Variants in PPP4R3A observed in about 807,000 individuals in gnomAD.
The protein encoded by PPP4R3A is serine/threonine-protein phosphatase 4 regulatory subunit 3A.
PPP4R3A carries 15 observed loss-of-function variants against 91.7 expected under a neutral mutation model. That is an observed-to-expected ratio of 0.16 (90% CI 0.11 to 0.25). The LOEUF (loss-of-function observed/expected upper bound fraction) is 0.25. PPP4R3A is among the 10% of genes least tolerant of loss of function. The probability of loss-of-function intolerance (pLI) is 1.00; values close to 1 mark genes in which losing one functional copy is unlikely to be tolerated. For missense variants in PPP4R3A, 623 were observed against 998.4 expected (o/e 0.62, Z 5.07); for synonymous variants, 377 against 348.7 (o/e 1.08, Z -0.91).
At position 91,457,644 on chromosome 14, in the gene PPP4R3A, C is replaced by A. The variant is rs10329; in HGVS notation, c.*1115G>T. The A allele has an allele frequency of 0.49, 74,975 of 152,338 alleles. 18,790 individuals are homozygous for A. Among genetic ancestry groups the A allele is most frequent in the Admixed American group, 0.53 (8,099 of 15,276 alleles). The allele number at this position is 152,338 out of a possible 1,614,324, so 9.4% of individuals were successfully genotyped here. A position where few individuals can be genotyped will look rare whatever the true frequency, so the allele number is the denominator to read the frequency against. ...ACTCTTCACTTTTCTTTTTATTATT[C>A]AAAAGTCAAATGTTTTTAAATCATC... On this transcript the variant is annotated 3_prime_UTR_variant, in exon 15 of 15. Transcript: ENST00000554943.
chr14:91,497,775 G>C (rs1156381290), intron 1 of PPP4R3A, among the ~76,000 whole-genome samples: 1 of 152,150 alleles, frequency 6.6e-6, no homozygotes, highest in Non-Finnish European at 1.5e-5. Context: ...CCTCAGATAA[G>C]TGCCAAGGTA....
In PPP4R3A at chr14:91,476,465, A is replaced by G; in HGVS notation, c.1053T>C (p.Asp351=). Residue 351 remains aspartate (D), a synonymous_variant, in exon 6 of 15, where the codon GAT becomes GAC. Coordinates refer to ENST00000554943, the MANE Select transcript of PPP4R3A (RefSeq NM_001366432.2). ...FSQTLQPQNR[D]AFFKTLSNMG... ...TGTTTGACAAAGTCTTGAAAAAAGC[A>G]TCTCTGTTTTGAGGCTGTAGCGTTT... The G allele has an allele frequency of 6.2e-7, 1 of 1,612,488 alleles. No homozygotes were observed. The highest frequency in any genetic ancestry group is 1.3e-5 in the African/African-American group (1 of 74,996).
chr14:91,495,459 C>G (rs1280120284), intron 1 of PPP4R3A, among the ~76,000 whole-genome samples: 1 of 151,898 alleles, frequency 6.6e-6, no homozygotes, highest in Non-Finnish European at 1.5e-5. Flanking sequence ...GGACTACAGG[C>G]ACATTCCCAG....
At chr14:91,463,264 C>T (rs1418601517) in intron 11 of PPP4R3A, among the ~76,000 whole-genome samples, 4 of 151,702 alleles carry the variant, frequency 2.6e-5, no homozygotes, top group African/African-American at 7.3e-5. Flanking sequence ...GGGGTGTCTC[C>T]GTGTTGGTCA....
chr14:91,485,871 A>G (rs1889846745), intron 2 of PPP4R3A, 141 bp from the exon 3 acceptor site: 4 of 519,114 alleles, frequency 7.7e-6, no homozygotes, highest in Admixed American at 3.5e-5. Context: ...TTCTTTTTCA[A>G]AACAATGACT....
At chr14:91,504,612 A>C (rs1209815280) in intron 1 of PPP4R3A, among the ~76,000 whole-genome samples, 2 of 152,048 alleles carry the variant, frequency 1.3e-5, no homozygotes, top group African/African-American at 2.4e-5. Flanking sequence ...CAAAAAAAAA[A>C]AAAGAAAACA....
rs1891695078 is a variant in PPP4R3A, at chr14:91,510,037, G to A, written c.-390C>T. 2 of 769,514 alleles carry A rather than the reference G, an allele frequency of 2.6e-6. No homozygotes were observed. The highest frequency in any genetic ancestry group is 5.5e-5 in the South Asian group (1 of 18,098). 47.7% of individuals were successfully genotyped at this position (769,514 alleles called of 1,614,324 possible). A position where few individuals can be genotyped will look rare whatever the true frequency, so the allele number is the denominator to read the frequency against. On this transcript the variant is annotated 5_prime_UTR_variant, in exon 1 of 15. Transcript: ENST00000554943. ...TTCCCGCGCCGCCGCCGCCTCCTCA[G>A]GCCGCCGCCGCCGCCGCCATATTTT... is the stretch of plus-strand genomic sequence containing the variant.
rs1890456665 is a variant in PPP4R3A, at chr14:91,495,077, C to T, written c.143-4275G>A. ...GCAGTTACCTTGCAATTTCCCTTCTCGGTATATATCCAAGAGAAATGAATA... is the reference window on the plus strand; with the variant it reads ...GCAGTTACCTTGCAATTTCCCTTCTTGGTATATATCCAAGAGAAATGAATA... On this transcript the variant is annotated intron_variant, in intron 1 of 14. Transcript: ENST00000554943. 3.3e-5 allele frequency among the ~76,000 whole-genome samples: 5 copies of T among 151,938 alleles called. No individual in the cohort carries two copies. In the South Asian group the frequency reaches 1.0e-3, roughly 32 times the overall value.
At chr14:91,485,829 TG>T in intron 2 of PPP4R3A, 99 bp from the exon 3 acceptor site, 2 of 711,552 alleles carry the variant, frequency 2.8e-6, no homozygotes, top group Non-Finnish European at 4.5e-6. Flanking sequence ...TTTTACTTTT[TG>T]CAACACTAAT....
chr14:91,507,364 A>G (rs911864264), intron 1 of PPP4R3A, among the ~76,000 whole-genome samples: 4 of 64,568 alleles, frequency 6.2e-5, no homozygotes, highest in Non-Finnish European at 1.2e-4. Flanking sequence ...TATAGTATAT[A>G]TACTATAATT....
intron 1 of PPP4R3A, among the ~76,000 whole-genome samples, chr14:91,496,612 T>C (rs564045891): frequency 1.3e-5 from 2 of 152,312 alleles, no homozygotes; most frequent in East Asian, 3.9e-4. Flanking sequence ...CAGGACACAC[T>C]AGAAGCTTCT....
intron 2 of PPP4R3A, among the ~76,000 whole-genome samples, chr14:91,487,030 T>C (rs967049296): frequency 2.0e-5 from 3 of 151,628 alleles, no homozygotes; most frequent in African/African-American, 7.3e-5. Flanking sequence ...GCGGATCACC[T>C]GAGGTCAGGA....
At chr14:91,479,524 T>C (rs1889424169) in intron 4 of PPP4R3A, among the ~76,000 whole-genome samples, 1 of 151,110 alleles carries the variant, frequency 6.6e-6, no homozygotes, top group African/African-American at 2.4e-5. Context: ...TGCATCACCA[T>C]ACCTGGCTAA....
chr14:91,476,049 C>G, intron 6 of PPP4R3A, 83 bp from the exon 7 acceptor site: 1 of 1,364,000 alleles, frequency 7.3e-7, no homozygotes. Context: ...CCTAACAAAA[C>G]ATATGAAAAA....
intron 4 of PPP4R3A, 25 bp from the exon 5 acceptor site, chr14:91,477,011 T>C (rs748727820): frequency 6.5e-7 from 1 of 1,536,852 alleles, no homozygotes; most frequent in South Asian, 1.2e-5. Context: ...ACAAATGCAA[T>C]TATGTTAATG....
chr14:91,463,148 C>T (rs1384894661), intron 11 of PPP4R3A, among the ~76,000 whole-genome samples: 1 of 152,078 alleles, frequency 6.6e-6, no homozygotes, highest in East Asian at 1.9e-4. Context: ...TCACTGCAAC[C>T]TCTGCCTCCT....
chr14:91,487,518 T>C (rs1595073977), intron 2 of PPP4R3A, among the ~76,000 whole-genome samples: 1 of 152,044 alleles, frequency 6.6e-6, no homozygotes, highest in African/African-American at 2.4e-5. Flanking sequence ...GATTTGAATA[T>C]GGTATAAAGA....
At chr14:91,472,976 A>C in intron 9 of PPP4R3A, 57 bp downstream of exon 9, 1 of 1,529,946 alleles carries the variant, frequency 6.5e-7, no homozygotes, top group Non-Finnish European at 9.0e-7. Flanking sequence ...CTTAACACCA[A>C]CTTTGAATTC....
At chr14:91,498,072 T>C (rs1027003091) in intron 1 of PPP4R3A, among the ~76,000 whole-genome samples, 1 of 152,174 alleles carries the variant, frequency 6.6e-6, no homozygotes, top group Non-Finnish European at 1.5e-5. Flanking sequence ...TGGTGGCTCA[T>C]GCCTGTAATC....
Sources: allele counts gnomAD v4.1 joint callset (sites outside exome capture counted in the v4.1 genomes callset), GRCh38; gene constraint gnomAD v4.1.1; transcripts MANE v1.5; gene names NCBI Gene and HGNC (gene_info 2026-07-23, HGNC 2026-07-21).